FSTL4: variants seen among roughly 807,000 people sequenced by gnomAD.
FSTL4 encodes follistatin like 4, also known as follistatin-related protein 4.
In FSTL4, 28 loss-of-function variants were observed where a neutral mutation model predicts 78.2. That is an observed-to-expected ratio of 0.36 (90% CI 0.27 to 0.49). The LOEUF (loss-of-function observed/expected upper bound fraction) is 0.49, where lower values mean the gene tolerates loss of function less well. FSTL4 is among the 20% of genes least tolerant of loss of function. The pLI, the probability that FSTL4 is intolerant of heterozygous loss-of-function variation, is 0.98. For missense variants in FSTL4, 922 were observed against 1,084.9 expected (o/e 0.85, Z 2.11); for synonymous variants, 422 against 440.5 (o/e 0.96, Z 0.53).
chr5:133,420,598 A>G (rs1756670421), intron 3 of FSTL4, among the ~76,000 whole-genome samples: 1 of 152,136 alleles, frequency 6.6e-6, no homozygotes, highest in Admixed American at 6.5e-5. Context: ...TACTGTGCAA[A>G]TTCCCTGACC....
chr5:133,683,748 G>A, the FSTL4 span, among the ~76,000 whole-genome samples: 1 of 152,188 alleles, frequency 6.6e-6, no homozygotes, highest in African/African-American at 2.4e-5. Context: ...GGTCAGGAAT[G>A]CTGTGTTCGG....
At chr5:133,664,481 A>G in the FSTL4 span, among the ~76,000 whole-genome samples, 1 of 152,184 alleles carries the variant, frequency 6.6e-6, no homozygotes, top group Non-Finnish European at 1.5e-5. Flanking sequence ...GCACGAGGTG[A>G]GTCAGAAGCA....
At chr5:133,722,392 G>A in the FSTL4 span, among the ~76,000 whole-genome samples, 3,051 of 152,112 alleles carry the variant, frequency 0.02, 98 homozygotes, top group African/African-American at 0.068. Flanking sequence ...CTGCTCTCTC[G>A]TATGTTTTTT....
the FSTL4 span, among the ~76,000 whole-genome samples, chr5:133,714,474 C>A: frequency 1.3e-5 from 2 of 152,222 alleles, no homozygotes; most frequent in Admixed American, 1.3e-4. Context: ...GAGAGCTCTG[C>A]AGATCAGATG....
chr5:133,638,707 A>G, the FSTL4 span, among the ~76,000 whole-genome samples: 3 of 151,700 alleles, frequency 2.0e-5, no homozygotes, highest in Non-Finnish European at 2.9e-5. Context: ...AGCATACTCT[A>G]TATTTTGCTT....
chr5:133,714,360 G>A, the FSTL4 span, among the ~76,000 whole-genome samples: 2 of 152,132 alleles, frequency 1.3e-5, no homozygotes, highest in Non-Finnish European at 2.9e-5. Flanking sequence ...TTTGACAAAT[G>A]TGAGAGCTCA....
intron 4 of FSTL4, among the ~76,000 whole-genome samples, chr5:133,318,997 T>C (rs1386699742): frequency 6.6e-6 from 1 of 152,252 alleles, no homozygotes; most frequent in Non-Finnish European, 1.5e-5. Flanking sequence ...CTACACGGAC[T>C]GGCGTCCCCC....
intron 3 of FSTL4, among the ~76,000 whole-genome samples, chr5:133,422,078 C>T (rs1756708764): frequency 6.6e-6 from 1 of 151,964 alleles, no homozygotes; most frequent in African/African-American, 2.4e-5. Context: ...AGTGCCAAGT[C>T]CCTCGGGTGG....
chr5:133,620,426 A>G, the FSTL4 span, among the ~76,000 whole-genome samples: 1 of 152,176 alleles, frequency 6.6e-6, no homozygotes, highest in East Asian at 1.9e-4. Context: ...AGACAGCTTG[A>G]TAGTCTATAT....
the FSTL4 span, among the ~76,000 whole-genome samples, chr5:133,785,318 G>A: frequency 5.6e-4 from 86 of 152,286 alleles, no homozygotes; most frequent in African/African-American, 1.9e-3. Flanking sequence ...AATTCAAAAA[G>A]GCACCTATAG....
chr5:133,677,265 G>T, the FSTL4 span, among the ~76,000 whole-genome samples: 6 of 152,208 alleles, frequency 3.9e-5, no homozygotes, highest in Admixed American at 3.9e-4. Flanking sequence ...TTTCCTGAGA[G>T]GCAAATCTAG....
intron 3 of FSTL4, among the ~76,000 whole-genome samples, chr5:133,467,045 TGTATGA>T (rs1018660263): frequency 1.8e-4 from 28 of 151,762 alleles, no homozygotes; most frequent in African/African-American, 4.8e-4. Flanking sequence ...AGAGTATGAT[TGTATGA>T]GTATATGTAT....
chr5:133,718,255 A>G, the FSTL4 span, among the ~76,000 whole-genome samples: 1 of 152,084 alleles, frequency 6.6e-6, no homozygotes, highest in South Asian at 2.1e-4. Flanking sequence ...AATTTTTGAC[A>G]TTTTTAGTAG....
chr5:133,748,303 C>T, the FSTL4 span, among the ~76,000 whole-genome samples: 1 of 152,078 alleles, frequency 6.6e-6, no homozygotes, highest in Admixed American at 6.5e-5. Flanking sequence ...GGTGTGGTGG[C>T]TCACATCTGT....
intron 4 of FSTL4, among the ~76,000 whole-genome samples, chr5:133,340,648 A>T (rs1012630463): frequency 6.6e-6 from 1 of 152,150 alleles, no homozygotes; most frequent in Admixed American, 6.5e-5. Context: ...ACAAAAACAC[A>T]GTTGCAGATG....
At chr5:133,748,969 T>G in the FSTL4 span, among the ~76,000 whole-genome samples, 1 of 152,164 alleles carries the variant, frequency 6.6e-6, no homozygotes, top group East Asian at 1.9e-4. Flanking sequence ...AAAGAGCAGA[T>G]GCATGAAACT....
At chr5:133,595,773 C>A (rs1760725301) in intron 2 of FSTL4, among the ~76,000 whole-genome samples, 1 of 152,208 alleles carries the variant, frequency 6.6e-6, no homozygotes, top group Non-Finnish European at 1.5e-5. Context: ...CTCATGACAA[C>A]CCTGAAAATG....
At chr5:133,541,440 T>C (rs953726673) in intron 3 of FSTL4, among the ~76,000 whole-genome samples, 6 of 152,148 alleles carry the variant, frequency 3.9e-5, no homozygotes, top group Non-Finnish European at 7.3e-5. Context: ...TGGTGGAAGC[T>C]ACCCTGTCAT....
At chr5:133,621,565 C>T in the FSTL4 span, among the ~76,000 whole-genome samples, 1 of 152,020 alleles carries the variant, frequency 6.6e-6, no homozygotes, top group East Asian at 1.9e-4. Context: ...GACACAAAGG[C>T]ATGAGAATGA....
Sources: gnomAD v4.1 joint callset for allele counts (sites outside exome capture counted in the v4.1 genomes callset) on GRCh38, gnomAD v4.1.1 for gene constraint, MANE v1.5 for transcripts, NCBI Gene and HGNC (gene_info 2026-07-23, HGNC 2026-07-21) for gene names.